Variants in NSUN6 observed in about 807,000 individuals in gnomAD.
NSUN6 encodes tRNA (cytosine(72)-C(5))-methyltransferase NSUN6.
NSUN6 carries 64 observed loss-of-function variants against 58.0 expected under a neutral mutation model. The observed-to-expected ratio is 1.10, with a 90% CI of 0.90 to 1.36. The LOEUF (loss-of-function observed/expected upper bound fraction) is 1.36. NSUN6 is among the 40% of genes most tolerant of loss of function. The probability of loss-of-function intolerance (pLI) is 0.00; values close to 1 mark genes in which losing one functional copy is unlikely to be tolerated. For missense variants in NSUN6, 701 were observed against 550.1 expected, an observed-to-expected ratio of 1.27 and a Z score of -2.74; for synonymous variants, 231 against 193.9, an observed-to-expected ratio of 1.19 and a Z score of -1.59.
intron 9 of NSUN6, among the ~76,000 whole-genome samples, chr10:18,551,565 T>G (rs1589816605): frequency 6.6e-6 from 1 of 152,146 alleles, no homozygotes; most frequent in Non-Finnish European, 1.5e-5. Context: ...TTGTGTCTGG[T>G]TCATATTACT....
At chr10:18,579,996 T>C (rs1394853981) in intron 8 of NSUN6, among the ~76,000 whole-genome samples, 1 of 152,176 alleles carries the variant, frequency 6.6e-6, no homozygotes, top group African/African-American at 2.4e-5. Context: ...AGATTTATTT[T>C]CCTTTCGCAC....
chr10:18,577,074 T>C (rs764565718), intron 8 of NSUN6, among the ~76,000 whole-genome samples: 3 of 152,186 alleles, frequency 2.0e-5, no homozygotes, highest in Non-Finnish European at 4.4e-5. Context: ...TTGGATACAC[T>C]ATATCTATTA....
chr10:18,585,443 T>C (rs898080072), intron 8 of NSUN6, among the ~76,000 whole-genome samples: 1 of 152,192 alleles, frequency 6.6e-6, no homozygotes. Context: ...ATGTGGTACA[T>C]ACACACGATG....
intron 8 of NSUN6, among the ~76,000 whole-genome samples, chr10:18,573,537 T>C (rs1385169575): frequency 2.6e-5 from 4 of 151,998 alleles, no homozygotes; most frequent in Non-Finnish European, 5.9e-5. Context: ...CTCCATTCCC[T>C]TCTCCCACAG....
intron 8 of NSUN6, among the ~76,000 whole-genome samples, chr10:18,557,383 G>A (rs7080903): frequency 0.61 from 92,389 of 150,304 alleles, 28,660 homozygotes; most frequent in East Asian, 0.97. Context: ...GGAGTGGAGA[G>A]TGGAATGGAA....
chr10:18,553,308 G>A (rs1273899799), intron 8 of NSUN6, among the ~76,000 whole-genome samples: 1 of 151,660 alleles, frequency 6.6e-6, no homozygotes, highest in East Asian at 1.9e-4. Flanking sequence ...TCCATTCCAT[G>A]GAATGGAATG....
At chr10:18,551,348 C>A (rs1000642358) in intron 9 of NSUN6, among the ~76,000 whole-genome samples, 2 of 149,110 alleles carry the variant, frequency 1.3e-5, no homozygotes, top group African/African-American at 5.0e-5. Context: ...TCAATAATGA[C>A]ATTCAGTACA....
intron 3 of NSUN6, among the ~76,000 whole-genome samples, chr10:18,641,369 CTTT>C (rs112028728): frequency 1.4e-5 from 2 of 141,746 alleles, no homozygotes; most frequent in African/African-American, 2.6e-5. Context: ...CTTATTTTTC[CTTT>C]TTTTTTTTTT....
intron 3 of NSUN6, among the ~76,000 whole-genome samples, chr10:18,630,714 G>A (rs2058998860): frequency 6.6e-6 from 1 of 152,138 alleles, no homozygotes; most frequent in Non-Finnish European, 1.5e-5. Flanking sequence ...GGAAGAAGTT[G>A]AATCTCTGAA....
At chr10:18,590,655 T>G (rs1331150418) in intron 7 of NSUN6, among the ~76,000 whole-genome samples, 2 of 152,210 alleles carry the variant, frequency 1.3e-5, no homozygotes, top group Non-Finnish European at 2.9e-5. Flanking sequence ...CCTGAATGAC[T>G]ACTGGGTAAA....
intron 6 of NSUN6, among the ~76,000 whole-genome samples, chr10:18,599,131 G>A (rs886920214): frequency 3.9e-5 from 6 of 152,090 alleles, no homozygotes; most frequent in Non-Finnish European, 8.8e-5. Context: ...TTGAACTCTT[G>A]GGCTCAAGAA....
intron 8 of NSUN6, among the ~76,000 whole-genome samples, chr10:18,574,951 T>C (rs1377762247): frequency 1.3e-5 from 2 of 152,116 alleles, no homozygotes; most frequent in Admixed American, 6.6e-5. Context: ...CTGTTGTATC[T>C]TCTGAAATGC....
At chr10:18,612,065 C>T (rs942253527) in intron 5 of NSUN6, among the ~76,000 whole-genome samples, 3 of 152,032 alleles carry the variant, frequency 2.0e-5, no homozygotes, top group Non-Finnish European at 2.9e-5. Context: ...GGCAAATATC[C>T]CCTGCTCCTG....
At chr10:18,571,815 A>G (rs1236049175) in intron 8 of NSUN6, among the ~76,000 whole-genome samples, 1 of 147,414 alleles carries the variant, frequency 6.8e-6, no homozygotes, top group Non-Finnish European at 1.5e-5. Flanking sequence ...ATTACACTGC[A>G]TTCCATTCTC....
intron 6 of NSUN6, among the ~76,000 whole-genome samples, chr10:18,598,197 G>A (rs559108524): frequency 6.6e-6 from 1 of 152,312 alleles, no homozygotes; most frequent in Admixed American, 6.5e-5. Context: ...TGTACTTTGT[G>A]AGATCCACCC....
Position 18,596,233 on chromosome 10 carries a change from T to C in NSUN6, c.752A>G (p.His251Arg). Residue 251 changes from histidine to arginine, a missense_variant, in exon 7 of 11, where the codon CAC becomes CGC. Coordinates refer to ENST00000377304, the MANE Select transcript of NSUN6 (RefSeq NM_182543.5). ...CTGATCATGCATTAGTGCTGCAATG[T>C]GTGTTGTTTTCCCTCCAGGTGCTGC... Reference protein sequence around the residue: ...LCAAPGGKTTHIAALMHDQGE... With the variant: ...LCAAPGGKTTRIAALMHDQGE... The C allele has an allele frequency of 6.2e-7, 1 of 1,611,756 alleles. No homozygotes were observed. Among genetic ancestry groups the C allele is most frequent in the Non-Finnish European group, 8.5e-7 (1 of 1,177,836 alleles).
At chr10:18,579,622 T>C (rs1343216138) in intron 8 of NSUN6, among the ~76,000 whole-genome samples, 1 of 152,188 alleles carries the variant, frequency 6.6e-6, no homozygotes, top group Non-Finnish European at 1.5e-5. Flanking sequence ...CTGAGACATG[T>C]GCCCCAGGTG....
chr10:18,554,272 G>C (rs1405604999), intron 8 of NSUN6, among the ~76,000 whole-genome samples: 1 of 150,700 alleles, frequency 6.6e-6, no homozygotes, highest in African/African-American at 2.4e-5. Context: ...ATGGAATGTA[G>C]AAAGAAGAAT....
At chr10:18,572,777 A>G (rs147331432) in intron 8 of NSUN6, among the ~76,000 whole-genome samples, 2 of 144,030 alleles carry the variant, frequency 1.4e-5, no homozygotes, top group Non-Finnish European at 3.0e-5. Flanking sequence ...ATTCCATTTC[A>G]AACTCCATTC....
Sources: gnomAD v4.1 joint callset for allele counts (sites outside exome capture counted in the v4.1 genomes callset) on GRCh38, gnomAD v4.1.1 for gene constraint, MANE v1.5 for transcripts, NCBI Gene and HGNC (gene_info 2026-07-23, HGNC 2026-07-21) for gene names.